SSBP2: variants seen among roughly 807,000 people sequenced by gnomAD.
SSBP2 encodes single stranded DNA binding protein 2.
In SSBP2, 17 loss-of-function variants were observed where a neutral mutation model predicts 61.8. That is an observed-to-expected ratio of 0.28 (90% CI 0.19 to 0.41). SSBP2 has a LOEUF of 0.41. Among genes scored for constraint, SSBP2 ranks in the 10% least tolerant of loss-of-function variants. The pLI is 1.00. For synonymous variants in SSBP2, 139 were observed against 141.3 expected, an observed-to-expected ratio of 0.98 and a Z score of 0.12; for missense variants, 310 against 458.7, an observed-to-expected ratio of 0.68 and a Z score of 2.96.
intron 4 of SSBP2, among the ~76,000 whole-genome samples, chr5:81,594,606 A>G (rs1413607979): frequency 6.6e-6 from 1 of 152,252 alleles, no homozygotes; most frequent in African/African-American, 2.4e-5. Flanking sequence ...AGCACTCCTC[A>G]GCAAATGTAA....
At chr5:81,604,123 CTATATTTACTATGCATTAAGGGGA>C (rs1744643853) in intron 4 of SSBP2, among the ~76,000 whole-genome samples, 1 of 151,920 alleles carries the variant, frequency 6.6e-6, no homozygotes, top group Admixed American at 6.6e-5. Flanking sequence ...AATAAAAATT[CTATATTTACTATGCATTAAGGGGA>C]AGTGGATCAT....
chr5:81,519,261 C>G (rs1769273215), intron 4 of SSBP2, among the ~76,000 whole-genome samples: 1 of 152,070 alleles, frequency 6.6e-6, no homozygotes, highest in Non-Finnish European at 1.5e-5. Context: ...GAATTATTAT[C>G]TTTTCATATT....
intron 4 of SSBP2, among the ~76,000 whole-genome samples, chr5:81,609,453 T>C (rs1745222072): frequency 1.3e-5 from 2 of 152,234 alleles, no homozygotes. Context: ...CAGTTAACTC[T>C]TGATGTACAC....
In SSBP2 at chr5:81,615,512, T is replaced by A; in HGVS notation, c.243A>T (p.Thr81=). The stretch of plus-strand genomic sequence containing the variant: ...CTTTTGCTTCACTTGAGTGTTCACA[T>A]GTTTCACGTCTCTCTGGAGCTGCAC... The change falls in exon 4 of 17, where the codon ACA becomes ACT. Residue 81 remains threonine (T), a synonymous_variant. Coordinates refer to ENST00000320672, the MANE Select transcript of SSBP2 (RefSeq NM_012446.5). The A allele has an allele frequency of 6.2e-7, 1 of 1,613,836 alleles. No individual in the cohort carries two copies. Among genetic ancestry groups the A allele is most frequent in the Non-Finnish European group, 8.5e-7 (1 of 1,179,844 alleles).
At chr5:81,529,919 C>T (rs2973349) in intron 4 of SSBP2, among the ~76,000 whole-genome samples, 35,019 of 151,832 alleles carry the variant, frequency 0.23, 5,163 homozygotes, top group Middle Eastern at 0.38. Context: ...AGTGATATTT[C>T]TCTGGCAGTA....
chr5:81,720,755 G>A lies in SSBP2; in HGVS notation c.62+30226C>T, dbSNP rs146906786. On this transcript the variant is annotated intron_variant, in intron 1 of 16. Coordinates refer to ENST00000320672, the MANE Select transcript of SSBP2 (RefSeq NM_012446.5). ...ATTTTTAGGAATCACAGTTTGGTTT[G>A]ACATCATACGGAACAGTAGATATTT... Among the ~76,000 whole-genome samples, 615 of 152,258 alleles carry A rather than the reference G, an allele frequency of 4.0e-3. 10 individuals carry two copies. The highest frequency in any genetic ancestry group is 0.014 in the African/African-American group (585 of 41,552).
chr5:81,534,863 G>T (rs1770695003), intron 4 of SSBP2, among the ~76,000 whole-genome samples: 1 of 151,944 alleles, frequency 6.6e-6, no homozygotes, highest in Non-Finnish European at 1.5e-5. Flanking sequence ...CATTAAGTGG[G>T]ACAAATGCTC....
intron 5 of SSBP2, among the ~76,000 whole-genome samples, chr5:81,494,981 T>C (rs1767174860): frequency 6.6e-6 from 1 of 152,182 alleles, no homozygotes; most frequent in South Asian, 2.1e-4. Flanking sequence ...CAAGAATTAT[T>C]CATGGAATTT....
At chr5:81,679,637 G>A (rs1752242200) in intron 1 of SSBP2, among the ~76,000 whole-genome samples, 1 of 152,138 alleles carries the variant, frequency 6.6e-6, no homozygotes, top group Non-Finnish European at 1.5e-5. Flanking sequence ...CATATACAAT[G>A]CTCAACTACA....
intron 4 of SSBP2, among the ~76,000 whole-genome samples, chr5:81,581,162 G>A (rs1304839003): frequency 1.3e-5 from 2 of 152,112 alleles, no homozygotes; most frequent in Non-Finnish European, 2.9e-5. Flanking sequence ...TGCCTGCTCT[G>A]CCAGGAACAT....
chr5:81,464,395 T>A (rs1764753728), intron 9 of SSBP2, among the ~76,000 whole-genome samples: 1 of 152,234 alleles, frequency 6.6e-6, no homozygotes, highest in South Asian at 2.1e-4. Flanking sequence ...TACTTAAATT[T>A]AGTTTTGGCT....
intron 12 of SSBP2, chr5:81,443,126 A>G (rs1763141243): frequency 1.3e-5 from 2 of 152,594 alleles, no homozygotes; most frequent in African/African-American, 4.8e-5. Flanking sequence ...CAATATACAA[A>G]TTTTAAAAAT....
chr5:81,425,457 T>A (rs1376514347), intron 16 of SSBP2, among the ~76,000 whole-genome samples: 1 of 152,180 alleles, frequency 6.6e-6, no homozygotes, highest in Non-Finnish European at 1.5e-5. Context: ...TAATCTACCA[T>A]CTTGTTTGTA....
chr5:81,501,884 T>A (rs985990661), intron 5 of SSBP2, among the ~76,000 whole-genome samples: 1 of 152,100 alleles, frequency 6.6e-6, no homozygotes, highest in African/African-American at 2.4e-5. Context: ...TTTCTTGTAC[T>A]GAAAATGGTA....
At chr5:81,579,366 G>A (rs183278432) in intron 4 of SSBP2, among the ~76,000 whole-genome samples, 3 of 152,126 alleles carry the variant, frequency 2.0e-5, no homozygotes, top group African/African-American at 7.2e-5. Flanking sequence ...AAAGGCTAAA[G>A]CTTGAGAGGT....
chr5:81,639,125 A>G (rs565797710), intron 2 of SSBP2, among the ~76,000 whole-genome samples: 17 of 152,210 alleles, frequency 1.1e-4, no homozygotes, highest in Non-Finnish European at 2.2e-4. Flanking sequence ...ATTAGGCTTA[A>G]TATTTTGACT....
At chr5:81,629,990 A>G (rs1028165418) in intron 3 of SSBP2, among the ~76,000 whole-genome samples, 3 of 152,224 alleles carry the variant, frequency 2.0e-5, no homozygotes, top group Admixed American at 6.5e-5. Flanking sequence ...CTTGAGGACA[A>G]CAAGTTTTGC....
intron 2 of SSBP2, among the ~76,000 whole-genome samples, chr5:81,640,509 T>C (rs967000586): frequency 1.3e-5 from 2 of 152,180 alleles, no homozygotes; most frequent in African/African-American, 4.8e-5. Context: ...TCCTAAGTGG[T>C]AATACAAATA....
chr5:81,584,111 C>A (rs1774888667), intron 4 of SSBP2, among the ~76,000 whole-genome samples: 1 of 151,998 alleles, frequency 6.6e-6, no homozygotes, highest in Non-Finnish European at 1.5e-5. Context: ...AATAAATTAG[C>A]CAGTTATAGA....
Sources: gnomAD v4.1 joint callset for allele counts (sites outside exome capture counted in the v4.1 genomes callset) on GRCh38, gnomAD v4.1.1 for gene constraint, MANE v1.5 for transcripts, NCBI Gene and HGNC (gene_info 2026-07-23, HGNC 2026-07-21) for gene names.